B3GALT1: variants seen among roughly 807,000 people sequenced by gnomAD.
B3GALT1 encodes the protein UDP-Gal:betaGlcNAc beta 1,3-galactosyltransferase, polypeptide 1.
B3GALT1 carries 10 observed loss-of-function variants against 23.2 expected under a neutral mutation model. That is an observed-to-expected ratio of 0.43 (90% CI 0.27 to 0.73). The LOEUF (loss-of-function observed/expected upper bound fraction) is 0.73. B3GALT1 is among the 30% of genes least tolerant of loss of function. B3GALT1 has a pLI of 0.21. For missense variants in B3GALT1, 299 were observed against 405.4 expected (o/e 0.74, Z 2.25); for synonymous variants, 156 against 141.5 (o/e 1.10, Z -0.73).
At chr2:167,791,770 C>T (rs1193883204) in intron 3 of B3GALT1, among the ~76,000 whole-genome samples, 4 of 151,996 alleles carry the variant, frequency 2.6e-5, no homozygotes, top group Non-Finnish European at 4.4e-5. Flanking sequence ...TGTATTTTCT[C>T]CTTGTAAACG....
At chr2:167,401,177 A>G (rs1698183467) in intron 1 of B3GALT1, among the ~76,000 whole-genome samples, 1 of 152,136 alleles carries the variant, frequency 6.6e-6, no homozygotes, top group Non-Finnish European at 1.5e-5. Flanking sequence ...GAGAGTCTCA[A>G]TTAAGTAATT....
intron 1 of B3GALT1, among the ~76,000 whole-genome samples, chr2:167,395,283 G>A (rs1698077427): frequency 6.6e-6 from 1 of 152,054 alleles, no homozygotes; most frequent in African/African-American, 2.4e-5. Context: ...AAGTGATCAA[G>A]TTAAGGAACT....
chr2:167,834,986 A>C (rs1475494535), intron 4 of B3GALT1, among the ~76,000 whole-genome samples: 1 of 152,214 alleles, frequency 6.6e-6, no homozygotes, highest in Non-Finnish European at 1.5e-5. Context: ...ACTGAAAATG[A>C]CAACTTGATA....
chr2:167,360,365 C>G, intron 1 of B3GALT1, among the ~76,000 whole-genome samples: 1 of 152,140 alleles, frequency 6.6e-6, no homozygotes, highest in Non-Finnish European at 1.5e-5. Context: ...GAACATCATT[C>G]TTGATCAAGG....
At chr2:167,562,666 T>A (rs1340383563) in intron 2 of B3GALT1, among the ~76,000 whole-genome samples, 1 of 150,296 alleles carries the variant, frequency 6.7e-6, no homozygotes, top group African/African-American at 2.5e-5. Context: ...TTTTTTTTTT[T>A]AATTGATCAT....
chr2:167,416,908 A>G (rs946525424), intron 1 of B3GALT1, among the ~76,000 whole-genome samples: 13 of 152,184 alleles, frequency 8.5e-5, no homozygotes, highest in Admixed American at 2.6e-4. Flanking sequence ...TCCTTTTGGA[A>G]TGAGAATGAC....
At chr2:167,371,361 T>G (rs1378877388) in intron 1 of B3GALT1, among the ~76,000 whole-genome samples, 1 of 152,194 alleles carries the variant, frequency 6.6e-6, no homozygotes, top group Non-Finnish European at 1.5e-5. Context: ...AGGAGTATAT[T>G]GCTAAAATGG....
chr2:167,431,531 T>C (rs1228822545), intron 1 of B3GALT1, among the ~76,000 whole-genome samples: 1 of 152,224 alleles, frequency 6.6e-6, no homozygotes, highest in Non-Finnish European at 1.5e-5. Context: ...CAAATAGATA[T>C]GTTTTGCTTT....
At chr2:167,620,707 GCTTCAGCT>G (rs1558927037) in intron 2 of B3GALT1, among the ~76,000 whole-genome samples, 1 of 134,270 alleles carries the variant, frequency 7.4e-6, no homozygotes, top group Admixed American at 8.0e-5. Flanking sequence ...CTGTCTTCCT[GCTTCAGCT>G]CTCATACTGT....
intron 4 of B3GALT1, among the ~76,000 whole-genome samples, chr2:167,863,606 T>A (rs1211580314): frequency 6.6e-6 from 1 of 152,220 alleles, no homozygotes; most frequent in Non-Finnish European, 1.5e-5. Context: ...CCAACTACTT[T>A]ATCCAACTTA....
rs78759457 is a variant in B3GALT1, at chr2:167,431,495, G to A, written c.-510-58682G>A. On this transcript the variant is annotated intron_variant, in intron 1 of 4. Transcript: ENST00000392690. ...TATAAGATGTCATGTTTAAATGACA[G>A]TTTAGTGTTGGAAAAATATCTCCCC... 4.7e-3 allele frequency among the ~76,000 whole-genome samples: 721 copies of A among 152,308 alleles called. 6 individuals are homozygous for A. Among genetic ancestry groups the A allele is most frequent in the East Asian group, 0.018 (94 of 5,180 alleles).
chr2:167,774,091 A>G (rs1688118049), intron 3 of B3GALT1, among the ~76,000 whole-genome samples: 1 of 152,200 alleles, frequency 6.6e-6, no homozygotes, highest in Admixed American at 6.5e-5. Flanking sequence ...TCATAACCTG[A>G]TATTCACTTG....
At chr2:167,393,183 G>C (rs1055263026) in intron 1 of B3GALT1, among the ~76,000 whole-genome samples, 67 of 151,254 alleles carry the variant, frequency 4.4e-4, no homozygotes, top group Non-Finnish European at 6.8e-4. Context: ...GCAGTGAGCC[G>C]AGATTGCGCC....
At chr2:167,341,252 G>A (rs1381805536) in intron 1 of B3GALT1, among the ~76,000 whole-genome samples, 1 of 147,300 alleles carries the variant, frequency 6.8e-6, no homozygotes, top group Admixed American at 7.1e-5. Flanking sequence ...CTTTATTCCA[G>A]GCTTCAGTGA....
At chr2:167,312,045 A>G (rs1354811955) in intron 1 of B3GALT1, among the ~76,000 whole-genome samples, 1 of 151,940 alleles carries the variant, frequency 6.6e-6, no homozygotes. Flanking sequence ...AATAAAAGAG[A>G]AAAAGAAAAA....
intron 2 of B3GALT1, among the ~76,000 whole-genome samples, chr2:167,554,997 CATAAA>C (rs1042396190): frequency 6.6e-6 from 1 of 152,100 alleles, no homozygotes; most frequent in African/African-American, 2.4e-5. Context: ...GGTCTTCAAA[CATAAA>C]ATAGATGACA....
chr2:167,729,504 G>A (rs902355654), intron 3 of B3GALT1, among the ~76,000 whole-genome samples: 5 of 152,196 alleles, frequency 3.3e-5, no homozygotes, highest in Admixed American at 3.3e-4. Flanking sequence ...TAATAGCCTA[G>A]AATTATGTAT....
intron 3 of B3GALT1, among the ~76,000 whole-genome samples, chr2:167,725,904 A>G (rs1006590595): frequency 2.6e-5 from 4 of 152,216 alleles, no homozygotes; most frequent in Non-Finnish European, 5.9e-5. Flanking sequence ...ATTTCTCTGT[A>G]TAGAAGAACC....
At chr2:167,621,675 T>A (rs1014868628) in intron 2 of B3GALT1, among the ~76,000 whole-genome samples, 1 of 152,050 alleles carries the variant, frequency 6.6e-6, no homozygotes, top group Non-Finnish European at 1.5e-5. Context: ...AGGGACCCAG[T>A]GGGAGGTAAT....
Sources: gnomAD v4.1 joint callset for allele counts (sites outside exome capture counted in the v4.1 genomes callset) on GRCh38, gnomAD v4.1.1 for gene constraint, MANE v1.5 for transcripts, NCBI Gene and HGNC (gene_info 2026-07-23, HGNC 2026-07-21) for gene names.